RANBP2: variants seen among roughly 807,000 people sequenced by gnomAD.
RANBP2 encodes the protein E3 SUMO-protein ligase RanBP2.
In RANBP2, 57 loss-of-function variants were observed where a neutral mutation model predicts 303.6. The observed-to-expected ratio is 0.19, with a 90% CI of 0.15 to 0.23. The LOEUF is 0.23. RANBP2 is among the 10% of genes least tolerant of loss of function. The pLI is 1.00. For synonymous variants in RANBP2, 1,167 were observed against 1,301.5 expected (o/e 0.90, Z 2.23); for missense variants, 3,138 against 3,780.8 (o/e 0.83, Z 4.46).
At chr2:109,059,121 G>T in the RANBP2 span, among the ~76,000 whole-genome samples, 1 of 152,088 alleles carries the variant, frequency 6.6e-6, no homozygotes, top group Non-Finnish European at 1.5e-5. Context: ...GGAGTTAGGG[G>T]ACCCTCCTCC....
At chr2:109,686,234 T>C in the RANBP2 span, among the ~76,000 whole-genome samples, 1 of 152,188 alleles carries the variant, frequency 6.6e-6, no homozygotes, top group Non-Finnish European at 1.5e-5. Context: ...CCGTGGCCAC[T>C]GGAAGTTCTA....
chr2:109,478,221 C>G, the RANBP2 span, among the ~76,000 whole-genome samples: 1 of 152,198 alleles, frequency 6.6e-6, no homozygotes, highest in African/African-American at 2.4e-5. Context: ...CACGCTGGCT[C>G]CCAGTGTATT....
the RANBP2 span, chr2:108,884,612 A>C: frequency 2.0e-5 from 3 of 152,198 alleles, no homozygotes; most frequent in African/African-American, 7.2e-5. Flanking sequence ...AAAGCTCCAC[A>C]TAATAAACAT....
At chr2:108,911,903 G>A in the RANBP2 span, among the ~76,000 whole-genome samples, 25 of 152,340 alleles carry the variant, frequency 1.6e-4, no homozygotes, top group African/African-American at 5.3e-4. Flanking sequence ...ATCATCTGGG[G>A]AATACCTGTA....
At chr2:109,737,809 T>C in the RANBP2 span, among the ~76,000 whole-genome samples, 1 of 152,120 alleles carries the variant, frequency 6.6e-6, no homozygotes, top group African/African-American at 2.4e-5. Context: ...AGTTTAGATT[T>C]GCATTTCCCT....
the RANBP2 span, among the ~76,000 whole-genome samples, chr2:108,897,547 A>C: frequency 6.6e-6 from 1 of 152,174 alleles, no homozygotes; most frequent in Non-Finnish European, 1.5e-5. Flanking sequence ...CTTCAAGACA[A>C]GTTATCCTTA....
the RANBP2 span, among the ~76,000 whole-genome samples, chr2:109,206,162 G>T: frequency 6.6e-6 from 1 of 152,074 alleles, no homozygotes; most frequent in Admixed American, 6.6e-5. Flanking sequence ...GTTATTCTGG[G>T]GACACAGCAC....
the RANBP2 span, among the ~76,000 whole-genome samples, chr2:108,983,857 G>A: frequency 6.6e-6 from 1 of 152,172 alleles, no homozygotes; most frequent in Non-Finnish European, 1.5e-5. Context: ...TGAGCCATCA[G>A]AGAGCCACTG....
chr2:109,618,964 T>A, the RANBP2 span: 5 of 167,134 alleles, frequency 3.0e-5, no homozygotes, highest in African/African-American at 1.2e-4. Flanking sequence ...AAGTTTGTTT[T>A]GTGAAAATAA....
chr2:109,385,045 C>T, the RANBP2 span, among the ~76,000 whole-genome samples: 7 of 152,234 alleles, frequency 4.6e-5, no homozygotes, highest in African/African-American at 1.4e-4. Flanking sequence ...TGGCCCTGAT[C>T]GTTGTCCCGG....
the RANBP2 span, among the ~76,000 whole-genome samples, chr2:109,067,096 A>G: frequency 6.6e-6 from 1 of 151,648 alleles, no homozygotes; most frequent in Non-Finnish European, 1.5e-5. Context: ...AAAAAAAAAA[A>G]CAACCTGATG....
chr2:108,738,974 A>G (rs116637277), intron 6 of RANBP2, among the ~76,000 whole-genome samples: 8,294 of 152,216 alleles, frequency 0.054, 270 homozygotes, highest in South Asian at 0.14. Flanking sequence ...TCAACAGCAA[A>G]AAAGTAGTCA....
At chr2:109,440,415 C>T in the RANBP2 span, among the ~76,000 whole-genome samples, 2 of 152,188 alleles carry the variant, frequency 1.3e-5, no homozygotes, top group South Asian at 2.1e-4. Context: ...CATGGAGGTT[C>T]TTCTAGACCA....
chr2:108,722,612 C>T (rs1458893035), intron 1 of RANBP2, among the ~76,000 whole-genome samples: 2 of 139,656 alleles, frequency 1.4e-5, no homozygotes, highest in African/African-American at 6.3e-5. Flanking sequence ...CTTGTTTTGC[C>T]ATTTTTCTAC....
At chr2:109,552,913 T>G in the RANBP2 span, 1 of 714,534 alleles carries the variant, frequency 1.4e-6, no homozygotes, top group South Asian at 2.4e-5. Flanking sequence ...AAGTTTTCAT[T>G]TAATTTCAGG....
the RANBP2 span, among the ~76,000 whole-genome samples, chr2:108,888,488 T>C: frequency 1.3e-5 from 2 of 152,080 alleles, no homozygotes; most frequent in Non-Finnish European, 2.9e-5. Context: ...TGAATCCATT[T>C]AGTCCTGGGC....
chr2:108,743,653 A>G lies in RANBP2; in HGVS notation c.975+2972A>G, dbSNP rs141389306. ...AGGTCTCCTTTCCTAGATGACAACT[A>G]CTGTTAGGAGTTTCTTGGGTGTTCA... On this transcript the variant is annotated intron_variant, in intron 7 of 28. Transcript: ENST00000283195. Among the ~76,000 whole-genome samples, 1,342 of 152,310 alleles carry G rather than the reference A, an allele frequency of 8.8e-3. 24 individuals are homozygous for G. The highest frequency in any genetic ancestry group is 0.03 in the African/African-American group (1,231 of 41,562).
chr2:109,172,727 G>T, the RANBP2 span, among the ~76,000 whole-genome samples: 1 of 152,308 alleles, frequency 6.6e-6, no homozygotes, highest in African/African-American at 2.4e-5. Flanking sequence ...CCCATGTTGA[G>T]CTCTGGCAGG....
At chr2:109,123,666 T>A in the RANBP2 span, among the ~76,000 whole-genome samples, 1 of 152,220 alleles carries the variant, frequency 6.6e-6, no homozygotes, top group African/African-American at 2.4e-5. Flanking sequence ...CCTCTCTGCC[T>A]CAATTTCCTC....
Sources: gnomAD v4.1 joint callset for allele counts (sites outside exome capture counted in the v4.1 genomes callset) on GRCh38, gnomAD v4.1.1 for gene constraint, MANE v1.5 for transcripts, NCBI Gene and HGNC (gene_info 2026-07-23, HGNC 2026-07-21) for gene names.